CNTNAP2: variants seen among roughly 807,000 people sequenced by gnomAD.
CNTNAP2 encodes contactin associated protein 2.
A neutral mutation model predicts 155.2 loss-of-function variants in CNTNAP2; 98 were observed. That is an observed-to-expected ratio of 0.63 (90% CI 0.54 to 0.75). CNTNAP2 has a LOEUF of 0.75. CNTNAP2 is among the 30% of genes least tolerant of loss of function. CNTNAP2 has a pLI of 0.00. For missense variants in CNTNAP2, 1,727 were observed against 1,688.1 expected (o/e 1.02, Z -0.40); for synonymous variants, 651 against 631.2 (o/e 1.03, Z -0.47).
chr7:147,300,014 G>A, intron 8 of CNTNAP2, 127 bp from the exon 9 acceptor site: 3 of 983,410 alleles, frequency 3.1e-6, no homozygotes, highest in Non-Finnish European at 3.1e-6. Flanking sequence ...AGTTTGAATT[G>A]TAAGCAGCAC....
Position 146,283,120 on chromosome 7 carries a change from A to G in CNTNAP2, c.97+166147A>G, listed in dbSNP as rs527538839. On this transcript the variant is annotated intron_variant, in intron 1 of 23. Transcript: ENST00000361727. ...AAACTCGAGTTTTGTGTTCTCTTCA[A>G]TACAAGCTAAGACACATTTCTAACT... is the stretch of plus-strand genomic sequence containing the variant. Among the ~76,000 whole-genome samples, 318 of 152,322 alleles carry G rather than the reference A, an allele frequency of 2.1e-3. 3 individuals are homozygous for G. The highest frequency in any genetic ancestry group is 7.2e-3 in the African/African-American group (299 of 41,576).
chr7:146,469,500 C>G, intron 1 of CNTNAP2, among the ~76,000 whole-genome samples: 1 of 150,168 alleles, frequency 6.7e-6, no homozygotes, highest in African/African-American at 2.5e-5. Context: ...CAGAGGTAAC[C>G]ACTGTCTTAA....
At chr7:146,827,636 C>T (rs374938496) in intron 2 of CNTNAP2, among the ~76,000 whole-genome samples, 3 of 151,946 alleles carry the variant, frequency 2.0e-5, no homozygotes, top group Middle Eastern at 3.4e-3. Context: ...CAAAATTCTG[C>T]AGACTTTTAC....
intron 13 of CNTNAP2, among the ~76,000 whole-genome samples, chr7:147,759,119 G>C (rs1797260646): frequency 6.6e-6 from 1 of 152,226 alleles, no homozygotes. Context: ...TCCACTTACT[G>C]TTCCTAAGGA....
At chr7:147,243,153 C>T (rs535122369) in intron 8 of CNTNAP2, among the ~76,000 whole-genome samples, 28 of 151,612 alleles carry the variant, frequency 1.8e-4, no homozygotes, top group African/African-American at 6.3e-4. Flanking sequence ...CCCACCACCA[C>T]GCCCGGCTAA....
intron 1 of CNTNAP2, among the ~76,000 whole-genome samples, chr7:146,258,735 C>A (rs113899126): frequency 0.041 from 6,302 of 152,234 alleles, 399 homozygotes; most frequent in African/African-American, 0.14. Context: ...CCAATCAATC[C>A]TCAGAGATGA....
intron 1 of CNTNAP2, among the ~76,000 whole-genome samples, chr7:146,230,563 A>G (rs1216837516): frequency 2.0e-5 from 3 of 152,224 alleles, no homozygotes; most frequent in Admixed American, 2.0e-4. Flanking sequence ...AAATTTTAAA[A>G]TAATTGTAGT....
intron 9 of CNTNAP2, among the ~76,000 whole-genome samples, chr7:147,371,107 T>G (rs1796331402): frequency 6.6e-6 from 1 of 152,122 alleles, no homozygotes; most frequent in Non-Finnish European, 1.5e-5. Flanking sequence ...CAAAGGGAAT[T>G]TATTCAATCC....
At position 146,413,854 on chromosome 7, in the gene CNTNAP2, A is replaced by C. The variant is rs1795900589; in HGVS notation, c.97+296881A>C. ...TTTCTTTTCTTTTTTTTCTTTTTTA[A>C]AAGTTGAGCTTATAAGATCATGCCT... On this transcript the variant is annotated intron_variant, in intron 1 of 23. Transcript: ENST00000361727. 2.0e-5 allele frequency among the ~76,000 whole-genome samples: 3 copies of C among 152,100 alleles called. No homozygotes were observed. The South Asian group carries it at 6.2e-4, about 32-fold the overall frequency.
chr7:146,780,818 C>A (rs1251843159), intron 2 of CNTNAP2, among the ~76,000 whole-genome samples: 1 of 152,058 alleles, frequency 6.6e-6, no homozygotes. Flanking sequence ...GGGAGCTGAA[C>A]AATGAGAACA....
At chr7:147,643,144 G>A (rs1795311499) in intron 13 of CNTNAP2, among the ~76,000 whole-genome samples, 1 of 152,154 alleles carries the variant, frequency 6.6e-6, no homozygotes, top group Admixed American at 6.5e-5. Flanking sequence ...TTTATGGCAT[G>A]AAGGTTTCTC....
At chr7:146,797,779 T>A (rs1802797747) in intron 2 of CNTNAP2, among the ~76,000 whole-genome samples, 1 of 152,228 alleles carries the variant, frequency 6.6e-6, no homozygotes, top group Non-Finnish European at 1.5e-5. Context: ...GCTGCAGCAT[T>A]CAAAATGTAT....
chr7:146,871,998 C>T (rs1472588947), intron 3 of CNTNAP2, among the ~76,000 whole-genome samples: 5 of 151,856 alleles, frequency 3.3e-5, no homozygotes, highest in Non-Finnish European at 5.9e-5. Context: ...TCTCATAATA[C>T]ACAACAGGAT....
intron 13 of CNTNAP2, among the ~76,000 whole-genome samples, chr7:147,793,852 A>G (rs1797854886): frequency 6.6e-6 from 1 of 152,006 alleles, no homozygotes; most frequent in African/African-American, 2.4e-5. Context: ...ACAATGTTTG[A>G]CAGTTTTTAA....
intron 1 of CNTNAP2, among the ~76,000 whole-genome samples, chr7:146,454,431 T>A (rs1796526051): frequency 6.6e-6 from 1 of 152,140 alleles, no homozygotes; most frequent in African/African-American, 2.4e-5. Context: ...AATGTAATGG[T>A]CTAGCTGATG....
intron 3 of CNTNAP2, among the ~76,000 whole-genome samples, chr7:146,946,103 TTTCCTTCC>T (rs780509218): frequency 2.0e-5 from 3 of 147,494 alleles, no homozygotes; most frequent in Non-Finnish European, 3.0e-5. Context: ...CCTTTCCTTC[TTTCCTTCC>T]TTCCTTCCTT....
In CNTNAP2 at chr7:147,486,560, A is replaced by G. The variant is rs529526068; in HGVS notation, c.1777+519A>G. Among the ~76,000 whole-genome samples, 81 of 152,330 alleles carry G rather than the reference A, an allele frequency of 5.3e-4. No homozygotes were observed. The South Asian group carries it at 0.016, about 30-fold the overall frequency. ...ATCTAAAAGCCAATAGATAAAATAC[A>G]TAAGAAGGTAATAAAATGAAGACAT... On this transcript the variant is annotated intron_variant, in intron 11 of 23. Coordinates refer to ENST00000361727, the MANE Select transcript of CNTNAP2 (RefSeq NM_014141.6).
At chr7:146,326,962 T>G (rs1055741247) in intron 1 of CNTNAP2, among the ~76,000 whole-genome samples, 39 of 152,162 alleles carry the variant, frequency 2.6e-4, no homozygotes. Flanking sequence ...TCTGATATAT[T>G]TTTATTCCCC....
intron 1 of CNTNAP2, among the ~76,000 whole-genome samples, chr7:146,560,028 CT>C (rs1798256729): frequency 6.6e-6 from 1 of 152,134 alleles, no homozygotes; most frequent in Non-Finnish European, 1.5e-5. Flanking sequence ...AGTTAAAACA[CT>C]TTTATTTGCT....
Sources: gnomAD v4.1 joint callset for allele counts (sites outside exome capture counted in the v4.1 genomes callset) on GRCh38, gnomAD v4.1.1 for gene constraint, MANE v1.5 for transcripts, NCBI Gene and HGNC (gene_info 2026-07-23, HGNC 2026-07-21) for gene names.